Variants in FANCD2 observed in about 807,000 individuals in gnomAD.
FANCD2 encodes FA complementation group D2.
A neutral mutation model predicts 192.3 loss-of-function variants in FANCD2; 131 were observed. The ratio of observed to expected loss-of-function variants is 0.68; its 90% confidence interval spans 0.59 to 0.79. The LOEUF (loss-of-function observed/expected upper bound fraction) is 0.79, where lower values mean the gene tolerates loss of function less well. FANCD2 is among the 30% of genes least tolerant of loss of function. The pLI is 0.00. For missense variants in FANCD2, 1,508 were observed against 1,701.6 expected, an observed-to-expected ratio of 0.89 and a Z score of 2.00; for synonymous variants, 524 against 612.5, an observed-to-expected ratio of 0.86 and a Z score of 2.13.
intron 1 of FANCD2, among the ~76,000 whole-genome samples, chr3:10,027,124 C>G (rs1371013615): frequency 6.6e-6 from 1 of 152,170 alleles, no homozygotes; most frequent in Non-Finnish European, 1.5e-5. Context: ...GCACTGCGAG[C>G]TTTTTTCACT....
In FANCD2 at chr3:10,065,267, C is replaced by A. The variant is rs536180440; in HGVS notation, c.2169-127C>A. 24 of 731,480 alleles carry A rather than the reference C, an allele frequency of 3.3e-5. 1 individual carries two copies. In the South Asian group the frequency reaches 3.5e-4, roughly 11 times the overall value. The allele number at this position is 731,480 out of a possible 1,614,324, so 45.3% of individuals were successfully genotyped here. A position where few individuals can be genotyped will look rare whatever the true frequency, so the allele number is the denominator to read the frequency against. Reference sequence around the variant, plus strand: ...TCGTGCCACTGCACTCCAGACTGGGCGACAGAGCAAGACTCTGTCTCAAAA... The same window carrying A: ...TCGTGCCACTGCACTCCAGACTGGGAGACAGAGCAAGACTCTGTCTCAAAA... On this transcript the variant is annotated intron_variant, in intron 23 of 43. Transcript: ENST00000675286.
intron 7 of FANCD2, among the ~76,000 whole-genome samples, chr3:10,037,066 A>G (rs2086750189): frequency 6.6e-6 from 1 of 151,804 alleles, no homozygotes; most frequent in Admixed American, 6.6e-5. Context: ...GCTAGTCTCA[A>G]AACTTCCAGG....
chr3:10,052,448 T>G lies in FANCD2; in HGVS notation c.1607T>G (p.Leu536Arg). The change falls in exon 18 of 44, where the codon CTC becomes CGC. Residue 536 changes from leucine to arginine, a missense_variant. Leu to Arg is a moderately radical substitution (Grantham distance 102). Around this residue, in one of 5 missense-constraint regions of FANCD2, gnomAD observed 110 missense variants for 114.4 expected, o/e 0.96. Coordinates refer to ENST00000675286, the MANE Select transcript of FANCD2 (RefSeq NM_001018115.3). Reference protein sequence around the residue: ...PQQIRKLFYVLSTLAFSKQNE... With the variant: ...PQQIRKLFYVRSTLAFSKQNE... ...CAAATACGAAAACTCTTCTATGTTC[T>G]CAGCACACTGGCATTTAGCAAACAG... 6.2e-7 allele frequency: 1 copy of G among 1,612,890 alleles called. No individual in the cohort carries two copies. Among genetic ancestry groups the G allele is most frequent in the African/African-American group, 1.3e-5 (1 of 75,008 alleles).
At chr3:10,098,488 T>C (rs1695110923) in intron 42 of FANCD2, among the ~76,000 whole-genome samples, 1 of 152,224 alleles carries the variant, frequency 6.6e-6, no homozygotes, top group South Asian at 2.1e-4. Flanking sequence ...ACTAGCATAC[T>C]AAGATGAACC....
intron 2 of FANCD2, chr3:10,032,227 A>G: frequency 2.8e-6 from 1 of 353,732 alleles, no homozygotes; most frequent in Non-Finnish European, 5.5e-6. Context: ...TGGCTAGTTT[A>G]GTATTTGGGT....
chr3:10,055,689 A>G (rs1290042217), intron 18 of FANCD2, among the ~76,000 whole-genome samples: 3 of 151,906 alleles, frequency 2.0e-5, no homozygotes, highest in East Asian at 1.9e-4. Context: ...GCAGGCGCCT[A>G]TAGTCCCAGC....
At position 10,049,412 on chromosome 3, in the gene FANCD2, G is replaced by A. The variant is rs768134945; in HGVS notation, c.1452G>A (p.Gly484=). The A allele has an allele frequency of 7.4e-6, 12 of 1,612,250 alleles. No individual in the cohort carries two copies. The South Asian group carries it at 1.2e-4, about 16-fold the overall frequency. Residue 484 remains glycine (G), a synonymous_variant, in exon 17 of 44, where the codon GGG becomes GGA. Coordinates refer to ENST00000675286, the MANE Select transcript of FANCD2 (RefSeq NM_001018115.3). The stretch of plus-strand genomic sequence containing the variant: ...CCTTAGTGACCCATATCTGCAGTGG[G>A]AATGAAGCTGAAGTTGATACTGCCT... ...VGALVTHICS[G]NEAEVDTALD...
Position 10,085,838 on chromosome 3 carries a change from A to T in FANCD2, c.3251A>T (p.Gln1084Leu), listed in dbSNP as rs769147120. 2 of 1,613,614 alleles carry T rather than the reference A, an allele frequency of 1.2e-6. No homozygotes were observed. The highest frequency in any genetic ancestry group is 2.2e-5 in the South Asian group (2 of 91,064). Reference sequence around the variant, plus strand: ...AGTGGATTTTCTCAACCTGAAAATCAGAATTTACTGTATTCAGCCCTCCAT... The same window carrying T: ...AGTGGATTTTCTCAACCTGAAAATCTGAATTTACTGTATTCAGCCCTCCAT... ...AWSGFSQPENQNLLYSALHVL... is the reference protein window; with the variant it reads ...AWSGFSQPENLNLLYSALHVL... The change falls in exon 33 of 44, where the codon CAG (glutamine) becomes CTG (leucine). Residue 1084 changes from glutamine to leucine, a missense_variant. Gln to Leu is a moderately radical substitution (Grantham distance 113). Transcript: ENST00000675286.
chr3:10,028,780 G>A, intron 2 of FANCD2, 59 bp downstream of exon 2: 4 of 1,396,538 alleles, frequency 2.9e-6, no homozygotes, highest in Non-Finnish European at 3.1e-6. Context: ...GCATGTGAGA[G>A]ATATAAAGTT....
intron 22 of FANCD2, 69 bp downstream of exon 22, chr3:10,064,498 C>T (rs2087658933): frequency 2.1e-6 from 3 of 1,441,098 alleles, no homozygotes; most frequent in Non-Finnish European, 2.9e-6. Context: ...GTAGCTGATA[C>T]AAACTTCAGA....
intron 29 of FANCD2, among the ~76,000 whole-genome samples, chr3:10,076,256 G>A (rs1357316661): frequency 6.6e-6 from 1 of 151,004 alleles, no homozygotes; most frequent in Non-Finnish European, 1.5e-5. Context: ...TTAATGAACA[G>A]ACAAAAGGGA....
intron 18 of FANCD2, among the ~76,000 whole-genome samples, chr3:10,057,750 A>G (rs2087456897): frequency 6.6e-6 from 1 of 152,320 alleles, no homozygotes; most frequent in Admixed American, 6.5e-5. Context: ...GAAGGGGTAA[A>G]CAGTGATACC....
intron 37 of FANCD2, 52 bp downstream of exon 37, chr3:10,090,437 T>C (rs776029741): frequency 1.5e-5 from 14 of 941,220 alleles, no homozygotes; most frequent in Non-Finnish European, 2.2e-5. Flanking sequence ...TACTTGGAAG[T>C]TGCTGATTTT....
chr3:10,032,125 G>C (rs996544070), intron 2 of FANCD2, among the ~76,000 whole-genome samples: 2 of 151,940 alleles, frequency 1.3e-5, no homozygotes, highest in Non-Finnish European at 2.9e-5. Flanking sequence ...GATTACAGGC[G>C]TGAGCCACTG....
chr3:10,094,898 A>G, intron 40 of FANCD2: 2 of 427,168 alleles, frequency 4.7e-6, no homozygotes, highest in South Asian at 4.6e-5. Context: ...GCCCTGAAAG[A>G]GAAAGGGAAG....
chr3:10,099,759 A>C (rs1401331164), intron 43 of FANCD2: 1 of 152,168 alleles, frequency 6.6e-6, no homozygotes, highest in Non-Finnish European at 1.5e-5. Flanking sequence ...CTCCGTCTCA[A>C]CAACAACAAA....
intron 16 of FANCD2, among the ~76,000 whole-genome samples, chr3:10,048,976 G>T (rs1446758389): frequency 2.6e-5 from 4 of 152,032 alleles, no homozygotes; most frequent in Admixed American, 1.3e-4. Flanking sequence ...AGTCTAGCCT[G>T]TACTATATGG....
intron 7 of FANCD2, among the ~76,000 whole-genome samples, chr3:10,037,842 T>C (rs1474485104): frequency 6.6e-6 from 1 of 152,180 alleles, no homozygotes; most frequent in Non-Finnish European, 1.5e-5. Flanking sequence ...GTTTTTGCAA[T>C]AAGTAGTTCA....
rs562980879 is a variant in FANCD2 at position 10,053,623 on chromosome 3, GA to G, written c.1656+1137del. Among the ~76,000 whole-genome samples, 59 of 142,620 alleles carry G rather than the reference GA, an allele frequency of 4.1e-4. 1 individual carries two copies. In the South Asian group the frequency reaches 6.2e-3, roughly 15 times the overall value. The allele number at this position is 142,620 out of a possible 152,430, so 93.6% of individuals were successfully genotyped here. The stretch of plus-strand genomic sequence containing the variant: ...ATTTTAAACCTCTTGAAATTTGCTA[GA>G]AAAAAAAAAACAAGCAAATGATAGA... On this transcript the variant is annotated intron_variant, in intron 18 of 43. Coordinates refer to ENST00000675286, the MANE Select transcript of FANCD2 (RefSeq NM_001018115.3).
Sources: allele counts gnomAD v4.1 joint callset (sites outside exome capture counted in the v4.1 genomes callset), GRCh38; gene constraint gnomAD v4.1.1; regional missense constraint gnomAD v4.1.1; transcripts MANE v1.5; gene names NCBI Gene and HGNC (gene_info 2026-07-23, HGNC 2026-07-21).